INSL6: variants seen among roughly 807,000 people sequenced by gnomAD.
INSL6 encodes the protein insulin like 6.
INSL6 carries 16 observed loss-of-function variants against 9.4 expected under a neutral mutation model. The observed-to-expected ratio is 1.70, with a 90% CI of 1.15 to 2.59. The LOEUF is 2.59. Among genes scored for constraint, INSL6 ranks in the 30% most tolerant of loss-of-function variants. The pLI, the probability that INSL6 is intolerant of heterozygous loss-of-function variation, is 0.00. For synonymous variants in INSL6, 154 were observed against 96.9 expected (o/e 1.59, Z -3.46); for missense variants, 391 against 257.3 (o/e 1.52, Z -3.56).
At chr9:4,992,350 T>C in the INSL6 span, among the ~76,000 whole-genome samples, 1 of 152,212 alleles carries the variant, frequency 6.6e-6, no homozygotes, top group Non-Finnish European at 1.5e-5. Context: ...CCTTGGTAGC[T>C]GCACAGTATA....
At chr9:5,101,918 A>C in the INSL6 span, among the ~76,000 whole-genome samples, 1 of 152,200 alleles carries the variant, frequency 6.6e-6, no homozygotes, top group African/African-American at 2.4e-5. Context: ...CAAAGACCAA[A>C]AGTAGATAAA....
the INSL6 span, among the ~76,000 whole-genome samples, chr9:5,046,046 C>T: frequency 1.3e-5 from 2 of 152,102 alleles, no homozygotes; most frequent in Non-Finnish European, 2.9e-5. Flanking sequence ...CTCAACAATG[C>T]TTTGCTTTGT....
the INSL6 span, among the ~76,000 whole-genome samples, chr9:5,079,773 C>T: frequency 1.6e-4 from 24 of 151,932 alleles, no homozygotes; most frequent in East Asian, 2.3e-3. Context: ...GAGCTGCAAT[C>T]GTGCCATTGC....
intron 1 of INSL6, among the ~76,000 whole-genome samples, chr9:5,178,485 T>A (rs1586879800): frequency 6.6e-6 from 1 of 152,206 alleles, no homozygotes; most frequent in South Asian, 2.1e-4. Context: ...TGTGGAGGCT[T>A]CAGCCACTCC....
the INSL6 span, among the ~76,000 whole-genome samples, chr9:5,075,099 GGCTGAGAGAGGTGAGGAA>G: frequency 6.6e-6 from 1 of 152,116 alleles, no homozygotes; most frequent in African/African-American, 2.4e-5. Flanking sequence ...ATTCTATGAA[GGCTGAGAGAGGTGAGGAA>G]GCTGCAGAAG....
chr9:5,092,122 AC>A, the INSL6 span, among the ~76,000 whole-genome samples: 2 of 152,088 alleles, frequency 1.3e-5, no homozygotes, highest in African/African-American at 4.8e-5. Flanking sequence ...ATACATAAAA[AC>A]GTTAGGTCAA....
chr9:5,052,659 C>T, the INSL6 span, among the ~76,000 whole-genome samples: 12 of 152,068 alleles, frequency 7.9e-5, no homozygotes, highest in Non-Finnish European at 1.8e-4. Flanking sequence ...CCCACTTTCC[C>T]CCAGCCTCTG....
the INSL6 span, among the ~76,000 whole-genome samples, chr9:5,113,191 CTTTTTTTTTTTTTTT>C: frequency 1.7e-5 from 1 of 57,160 alleles, no homozygotes; most frequent in Non-Finnish European, 2.9e-5. Flanking sequence ...CTGGCAGGAG[CTTTTTTTTTTTTTTT>C]TTTTTTTTTT....
chr9:5,183,134 A>G (rs903006908), intron 1 of INSL6, among the ~76,000 whole-genome samples: 2 of 152,344 alleles, frequency 1.3e-5, no homozygotes, highest in African/African-American at 2.4e-5. Flanking sequence ...TGTATTCTAT[A>G]TTAGAAACAT....
At chr9:5,092,900 AG>A in the INSL6 span, among the ~76,000 whole-genome samples, 1 of 152,204 alleles carries the variant, frequency 6.6e-6, no homozygotes, top group South Asian at 2.1e-4. Context: ...AAAGAGGGAC[AG>A]CTCTTTAGAC....
At chr9:5,069,448 G>A in the INSL6 span, among the ~76,000 whole-genome samples, 1 of 152,054 alleles carries the variant, frequency 6.6e-6, no homozygotes, top group African/African-American at 2.4e-5. Flanking sequence ...TGTGTGGTAT[G>A]ATGTCATTTA....
the INSL6 span, among the ~76,000 whole-genome samples, chr9:5,068,309 C>T: frequency 1.3e-5 from 2 of 151,758 alleles, no homozygotes; most frequent in African/African-American, 4.8e-5. Context: ...AATAGGTGAA[C>T]AAGTTCATAA....
At chr9:5,138,903 C>CA (rs923577462) in intron 2 of INSL6, among the ~76,000 whole-genome samples, 13 of 133,084 alleles carry the variant, frequency 9.8e-5, no homozygotes, top group South Asian at 4.7e-4. Context: ...TATATAGTCA[C>CA]AAAAAAAATA....
At chr9:5,140,161 A>G (rs1445439815) in intron 2 of INSL6, among the ~76,000 whole-genome samples, 1 of 152,204 alleles carries the variant, frequency 6.6e-6, no homozygotes, top group Non-Finnish European at 1.5e-5. Context: ...AGTCAAATCA[A>G]TAACCTGGGA....
chr9:5,093,146 A>C, the INSL6 span, among the ~76,000 whole-genome samples: 1 of 152,230 alleles, frequency 6.6e-6, no homozygotes, highest in Admixed American at 6.5e-5. Context: ...AGACTGGAAT[A>C]ACCCACTGAC....
the INSL6 span, among the ~76,000 whole-genome samples, chr9:4,999,534 G>C: frequency 1.3e-5 from 2 of 152,146 alleles, no homozygotes; most frequent in African/African-American, 2.4e-5. Flanking sequence ...AGAACTAATA[G>C]GATATATATA....
the INSL6 span, among the ~76,000 whole-genome samples, chr9:5,106,999 G>C: frequency 1.3e-5 from 2 of 152,114 alleles, no homozygotes; most frequent in Non-Finnish European, 2.9e-5. Flanking sequence ...CCTGCACATT[G>C]TGCACATGTA....
chr9:5,063,925 AG>A, the INSL6 span, among the ~76,000 whole-genome samples: 1 of 152,256 alleles, frequency 6.6e-6, no homozygotes, highest in South Asian at 2.1e-4. Flanking sequence ...TGGGAGGCCA[AG>A]GCGGGCGGAT....
chr9:5,072,288 A>G, the INSL6 span, among the ~76,000 whole-genome samples: 1 of 152,218 alleles, frequency 6.6e-6, no homozygotes, highest in East Asian at 1.9e-4. Context: ...CACTTAATTC[A>G]TTAATCCTTG....
Sources: allele counts gnomAD v4.1 joint callset (sites outside exome capture counted in the v4.1 genomes callset), GRCh38; gene constraint gnomAD v4.1.1; transcripts MANE v1.5; gene names NCBI Gene and HGNC (gene_info 2026-07-23, HGNC 2026-07-21).